The following SYNPR variants were observed in gnomAD, a reference collection of about 807,000 sequenced individuals.
The protein encoded by SYNPR is synaptoporin.
A neutral mutation model predicts 32.9 loss-of-function variants in SYNPR; 23 were observed. The observed-to-expected ratio is 0.70, with a 90% CI of 0.50 to 0.99. The LOEUF (loss-of-function observed/expected upper bound fraction) is 0.99, where lower values mean the gene tolerates loss of function less well. SYNPR is among the 50% of genes least tolerant of loss of function. The pLI is 0.00. For synonymous variants in SYNPR, 146 were observed against 135.9 expected (o/e 1.07, Z -0.52); for missense variants, 318 against 349.3 (o/e 0.91, Z 0.71).
intron 2 of SYNPR, among the ~76,000 whole-genome samples, chr3:63,258,639 C>A (rs1416770739): frequency 1.3e-5 from 2 of 151,988 alleles, no homozygotes; most frequent in Non-Finnish European, 1.5e-5. Flanking sequence ...AAAATTGACA[C>A]CCTAACATCA....
the SYNPR span, among the ~76,000 whole-genome samples, chr3:63,220,545 AAAG>A: frequency 8.5e-3 from 1,294 of 152,260 alleles, 13 homozygotes; most frequent in East Asian, 0.05. Flanking sequence ...TGAATAGCAG[AAAG>A]AAGGAGAGAA....
intron 4 of SYNPR, among the ~76,000 whole-genome samples, chr3:63,586,965 C>G (rs1487972638): frequency 6.6e-6 from 1 of 152,002 alleles, no homozygotes; most frequent in Non-Finnish European, 1.5e-5. Context: ...CATGCGAAGA[C>G]TCCACCTATA....
intron 3 of SYNPR, among the ~76,000 whole-genome samples, chr3:63,524,855 G>GCA (rs1449641910): frequency 1.9e-3 from 272 of 145,544 alleles, no homozygotes; most frequent in Non-Finnish European, 3.0e-3. Context: ...GTGTGTGCAT[G>GCA]TGTGTGTGTG....
chr3:63,394,440 C>T (rs1034665442), intron 2 of SYNPR, among the ~76,000 whole-genome samples: 1 of 152,128 alleles, frequency 6.6e-6, no homozygotes, highest in Non-Finnish European at 1.5e-5. Context: ...ATGGGGCTGT[C>T]CTGGTTTGGT....
intron 3 of SYNPR, among the ~76,000 whole-genome samples, chr3:63,536,649 T>TTAGCAGGATTTA: frequency 2.0e-5 from 3 of 152,148 alleles, no homozygotes; most frequent in Non-Finnish European, 1.5e-5. Flanking sequence ...TGAAAATATA[T>TTAGCAGGATTTA]GTCCACACAA....
chr3:63,385,567 T>C (rs933313473), intron 2 of SYNPR, among the ~76,000 whole-genome samples: 14 of 152,202 alleles, frequency 9.2e-5, no homozygotes, highest in African/African-American at 3.1e-4. Flanking sequence ...AACTGGAAAG[T>C]TCTTTTGCAA....
At chr3:63,258,013 A>G (rs6445334) in intron 2 of SYNPR, among the ~76,000 whole-genome samples, 115,351 of 152,024 alleles carry the variant, frequency 0.76, 44,611 homozygotes, top group Middle Eastern at 0.85. Context: ...TTCAACAAGA[A>G]GAGCTAACTA....
At chr3:63,273,819 T>G (rs922678344), upstream of SYNPR, among the ~76,000 whole-genome samples, 2 of 152,156 alleles carry the variant, frequency 1.3e-5, no homozygotes, top group Admixed American at 6.5e-5. Flanking sequence ...TTCTTGCATG[T>G]TTTTTTGCAT....
At chr3:63,203,068 G>GTGTGTATATATATATA in the SYNPR span, 247 of 108,392 alleles carry the variant, frequency 2.3e-3, 2 homozygotes, top group African/African-American at 9.5e-3. Context: ...ATATGTATGT[G>GTGTGTATATATATATA]TATATATATA....
At chr3:63,291,641 T>A (rs1259559524) in intron 2 of SYNPR, among the ~76,000 whole-genome samples, 3 of 152,166 alleles carry the variant, frequency 2.0e-5, no homozygotes, top group Non-Finnish European at 4.4e-5. Context: ...ATGATTATTA[T>A]GTGACCACCA....
chr3:63,260,827 C>T (rs1344025938), intron 2 of SYNPR, among the ~76,000 whole-genome samples: 1 of 150,866 alleles, frequency 6.6e-6, no homozygotes, highest in Non-Finnish European at 1.5e-5. Flanking sequence ...ACTCATCTGA[C>T]AAAGGGCTAA....
At chr3:63,265,353 G>A (rs2086476853) in intron 2 of SYNPR, among the ~76,000 whole-genome samples, 1 of 148,180 alleles carries the variant, frequency 6.7e-6, no homozygotes, top group Non-Finnish European at 1.5e-5. Context: ...CCAGGCTCAA[G>A]TGATTCTTCT....
At chr3:63,260,846 A>T (rs2086431390) in intron 2 of SYNPR, among the ~76,000 whole-genome samples, 1 of 151,374 alleles carries the variant, frequency 6.6e-6, no homozygotes. Flanking sequence ...AATATCCAGA[A>T]TCTACAATGA....
chr3:63,561,772 A>G (rs1211216485), intron 4 of SYNPR, among the ~76,000 whole-genome samples: 1 of 152,186 alleles, frequency 6.6e-6, no homozygotes, highest in African/African-American at 2.4e-5. Context: ...ATAAATGTGT[A>G]TTGTGAATCA....
At chr3:63,397,205 G>A (rs182678381) in intron 2 of SYNPR, among the ~76,000 whole-genome samples, 2 of 152,154 alleles carry the variant, frequency 1.3e-5, no homozygotes, top group East Asian at 3.9e-4. Flanking sequence ...AGAAAGTGCT[G>A]TATTGGGATG....
intron 2 of SYNPR, among the ~76,000 whole-genome samples, chr3:63,399,945 C>T (rs1202886158): frequency 4.6e-5 from 7 of 152,098 alleles, no homozygotes; most frequent in Non-Finnish European, 8.8e-5. Flanking sequence ...ATCCTATTTC[C>T]ATGAAAAGAA....
intron 2 of SYNPR, among the ~76,000 whole-genome samples, chr3:63,291,700 A>C (rs974212346): frequency 1.4e-4 from 22 of 152,122 alleles, no homozygotes; most frequent in Non-Finnish European, 4.4e-5. Context: ...CAAGTGCTTC[A>C]TTGGTGAAAA....
chr3:63,578,570 A>G (rs1376240707), intron 4 of SYNPR, among the ~76,000 whole-genome samples: 1 of 152,084 alleles, frequency 6.6e-6, no homozygotes. Context: ...GGATAAATAG[A>G]AAAAGGGCTC....
chr3:63,317,333 T>C (rs1332729272), intron 2 of SYNPR, among the ~76,000 whole-genome samples: 1 of 152,006 alleles, frequency 6.6e-6, no homozygotes, highest in African/African-American at 2.4e-5. Context: ...CGGTGGAGTA[T>C]TGAAGTCCCT....
Sources: allele counts gnomAD v4.1 joint callset (sites outside exome capture counted in the v4.1 genomes callset), GRCh38; gene constraint gnomAD v4.1.1; transcripts MANE v1.5; gene names NCBI Gene and HGNC (gene_info 2026-07-23, HGNC 2026-07-21).